Variants in MARK4 observed in about 807,000 individuals in gnomAD.
MARK4 encodes MAP/microtubule affinity-regulating kinase 4.
Under a neutral mutation model 81.5 loss-of-function variants are expected in MARK4, and 19 were observed. That is an observed-to-expected ratio of 0.23 (90% CI 0.16 to 0.34). The LOEUF is 0.34. Among genes scored for constraint, MARK4 ranks in the 10% least tolerant of loss-of-function variants. The pLI is 1.00. For synonymous variants in MARK4, 436 were observed against 439.0 expected (o/e 0.99, Z 0.08); for missense variants, 772 against 1,058.8 (o/e 0.73, Z 3.76).
chr19:45,296,997 C>T (rs1044612838), intron 14 of MARK4, among the ~76,000 whole-genome samples: 1 of 144,592 alleles, frequency 6.9e-6, no homozygotes, highest in African/African-American at 2.6e-5. Flanking sequence ...TTGCAGTAGC[C>T]AAGATTGCCC....
At chr19:45,262,007 G>A (rs1002653959) in intron 2 of MARK4, among the ~76,000 whole-genome samples, 21 of 152,190 alleles carry the variant, frequency 1.4e-4, no homozygotes, top group Admixed American at 3.3e-4. Context: ...TCCCCATGAT[G>A]TATCTCAAAG....
chr19:45,286,748 T>C (rs2123087600), intron 12 of MARK4, among the ~76,000 whole-genome samples: 1 of 152,056 alleles, frequency 6.6e-6, no homozygotes, highest in South Asian at 2.1e-4. Context: ...AAACTTAAGA[T>C]ATATAAAAAC....
In MARK4 at chr19:45,251,539, A is replaced by AG; in HGVS notation, c.-50_-49insG. The stretch of plus-strand genomic sequence containing the variant: ...GGAGGGGAAGAGAGGGGACCCTGGG[A>AG]CCCCCGCCCCCCCCACCCGGCCGCC... On this transcript the variant is annotated 5_prime_UTR_variant, in exon 1 of 17. Transcript: ENST00000262891. 3.8e-6 allele frequency: 1 copy of AG among 263,200 alleles called. No individual in the cohort carries two copies. The highest frequency in any genetic ancestry group is 7.3e-6 in the Non-Finnish European group (1 of 137,132). 16.3% of individuals were successfully genotyped at this position (263,200 alleles called of 1,614,324 possible).
At chr19:45,299,517 G>C (rs1384779653) in intron 15 of MARK4, among the ~76,000 whole-genome samples, 1 of 152,214 alleles carries the variant, frequency 6.6e-6, no homozygotes, top group East Asian at 1.9e-4. Flanking sequence ...ACGTGCGTGT[G>C]TCTCTCTCTT....
rs954745201 is a variant in MARK4 at position 45,287,480 on chromosome 19, G to A, written c.1310G>A (p.Arg437His). ...TCCCCTGCACCCCTGCACCCCAAAC[G>A]CAGCCCGACGAGCACGGGGGAGGCG... ...GPSPAPLHPK[R>H]SPTSTGEAEL... The change falls in exon 13 of 17, where the codon CGC becomes CAC. Residue 437 changes from arginine to histidine, a missense_variant. Physicochemically the swap from Arg to His is conservative, Grantham distance 29. Around this residue, in one of 3 missense-constraint regions of MARK4, gnomAD observed 548 missense variants for 624.3 expected, o/e 0.88. Coordinates refer to ENST00000262891, the MANE Select transcript of MARK4 (RefSeq NM_001199867.2). 1 of 1,489,290 alleles carries A rather than the reference G, an allele frequency of 6.7e-7. No homozygotes were observed. The allele number at this position is 1,489,290 out of a possible 1,614,324, so 92.3% of individuals were successfully genotyped here.
chr19:45,294,734 A>C (rs78235771), intron 14 of MARK4, among the ~76,000 whole-genome samples: 6,540 of 152,238 alleles, frequency 0.043, 180 homozygotes, highest in Non-Finnish European at 0.062. Flanking sequence ...TTAGAACTCG[A>C]GAGAAGCCCC....
At chr19:45,253,528 T>C (rs185682246) in intron 1 of MARK4, among the ~76,000 whole-genome samples, 4 of 152,308 alleles carry the variant, frequency 2.6e-5, no homozygotes, top group Non-Finnish European at 5.9e-5. Context: ...GGCTGGCACC[T>C]AGGAAGCACT....
rs1970432802 is a variant in MARK4 at position 45,265,003 on chromosome 19, T to TG, written c.492+98dup. On this transcript the variant is annotated intron_variant, in intron 6 of 16. Coordinates refer to ENST00000262891, the MANE Select transcript of MARK4 (RefSeq NM_001199867.2). ...GCATGGTCTGGGCTGTCCAGCGACCTGGGGGCGGGGCTTAAGTCTGGGCAG... is the reference window on the plus strand; with the variant it reads ...GCATGGTCTGGGCTGTCCAGCGACCTGGGGGGCGGGGCTTAAGTCTGGGCAG... 6.2e-6 allele frequency: 8 copies of TG among 1,281,060 alleles called. 2 individuals carry two copies. The South Asian group carries it at 8.8e-5, about 14-fold the overall frequency. The allele number at this position is 1,281,060 out of a possible 1,614,324, so 79.4% of individuals were successfully genotyped here.
At chr19:45,281,537 T>TA (rs1309038902) in intron 12 of MARK4, among the ~76,000 whole-genome samples, 5 of 151,704 alleles carry the variant, frequency 3.3e-5, no homozygotes, top group African/African-American at 1.2e-4. Flanking sequence ...ATTTTTGTAT[T>TA]TTTAGTAGAG....
At chr19:45,280,178 G>C in intron 10 of MARK4, 196 bp from the exon 11 acceptor site, 1 of 549,196 alleles carries the variant, frequency 1.8e-6, no homozygotes, top group Non-Finnish European at 3.3e-6. Context: ...GCAAAACCCT[G>C]TCTCTACTGA....
intron 8 of MARK4, among the ~76,000 whole-genome samples, chr19:45,273,652 A>AG (rs1159874299): frequency 6.6e-6 from 1 of 152,142 alleles, no homozygotes; most frequent in Non-Finnish European, 1.5e-5. Context: ...AGTTCAGGCC[A>AG]GTTAATTTTG....
chr19:45,255,144 A>G (rs1030259442), intron 1 of MARK4, among the ~76,000 whole-genome samples: 1 of 151,968 alleles, frequency 6.6e-6, no homozygotes, highest in Non-Finnish European at 1.5e-5. Context: ...TTGAGGCTCC[A>G]GTGAGCCTTG....
At chr19:45,261,142 A>G (rs2123033724) in intron 2 of MARK4, among the ~76,000 whole-genome samples, 1 of 152,284 alleles carries the variant, frequency 6.6e-6, no homozygotes, top group South Asian at 2.1e-4. Context: ...TTACAGGCAA[A>G]TCCTACCAGA....
intron 1 of MARK4, among the ~76,000 whole-genome samples, chr19:45,258,626 G>A (rs558608005): frequency 1.3e-5 from 2 of 152,146 alleles, no homozygotes; most frequent in South Asian, 4.2e-4. Flanking sequence ...CTTGAACCCG[G>A]GAGGCAGAGG....
intron 12 of MARK4, among the ~76,000 whole-genome samples, chr19:45,283,487 C>T (rs371884532): frequency 2.0e-5 from 3 of 150,822 alleles, no homozygotes; most frequent in Admixed American, 6.6e-5. Context: ...CTTTCTATGT[C>T]GATGAATTTG....
chr19:45,275,295 A>T (rs569609561), intron 8 of MARK4, among the ~76,000 whole-genome samples: 1 of 152,222 alleles, frequency 6.6e-6, no homozygotes, highest in East Asian at 1.9e-4. Flanking sequence ...CAGCCTGGGC[A>T]ACATTTCAAG....
In MARK4 at chr19:45,280,429, C is replaced by A. The variant is rs1233824784; in HGVS notation, c.1062C>A (p.Ser354Arg). ...AAGAAATCAAAGAGTCCTTGACCAG[C>A]CAGAAGTACAACGAAGTGACCGCCA... ...TREEIKESLTSQKYNEVTATY... is the reference protein window; with the variant it reads ...TREEIKESLTRQKYNEVTATY... Residue 354 changes from serine (S) to arginine (R), a missense_variant, in exon 11 of 17, where the codon AGC becomes AGA. Ser to Arg is a moderately radical substitution (Grantham distance 110). Coordinates refer to ENST00000262891, the MANE Select transcript of MARK4 (RefSeq NM_001199867.2). 6.2e-7 allele frequency: 1 copy of A among 1,614,178 alleles called. No homozygotes were observed. Among genetic ancestry groups the A allele is most frequent in the Non-Finnish European group, 8.5e-7 (1 of 1,180,020 alleles).
At chr19:45,285,207 C>A (rs564332183) in intron 12 of MARK4, among the ~76,000 whole-genome samples, 1 of 149,332 alleles carries the variant, frequency 6.7e-6, no homozygotes, top group East Asian at 2.0e-4. Flanking sequence ...TGCAATGAGT[C>A]CAGATCGTGC....
Position 45,299,771 on chromosome 19 carries a change from A to G in MARK4, c.1878-40A>G, listed in dbSNP as rs150466858. ...GTGGGTTGCGGGAGGTGGGTTCCCT[A>G]TGTCCAGATTAGACACTCTGTCCCC... On this transcript the variant is annotated intron_variant, in intron 15 of 16. Coordinates refer to ENST00000262891, the MANE Select transcript of MARK4 (RefSeq NM_001199867.2). 55 of 1,549,010 alleles carry G rather than the reference A, an allele frequency of 3.6e-5. No homozygotes were observed. The African/African-American group carries it at 4.1e-4, about 12-fold the overall frequency.
Sources: gnomAD v4.1 joint callset for allele counts (sites outside exome capture counted in the v4.1 genomes callset) on GRCh38, gnomAD v4.1.1 for gene constraint, gnomAD v4.1.1 regional missense constraint, MANE v1.5 for transcripts, NCBI Gene and HGNC (gene_info 2026-07-23, HGNC 2026-07-21) for gene names.